The following TTLL9 variants were observed in gnomAD, a reference collection of about 807,000 sequenced individuals.
The protein encoded by TTLL9 is probable tubulin polyglutamylase TTLL9.
In TTLL9, 47 loss-of-function variants were observed where a neutral mutation model predicts 65.6. The observed-to-expected ratio is 0.72, with a 90% CI of 0.57 to 0.91. The LOEUF is 0.91. Among genes scored for constraint, TTLL9 ranks in the 40% least tolerant of loss-of-function variants. The pLI, the probability that TTLL9 is intolerant of heterozygous loss-of-function variation, is 0.00. For synonymous variants in TTLL9, 179 were observed against 204.8 expected (o/e 0.87, Z 1.07); for missense variants, 537 against 568.8 (o/e 0.94, Z 0.57).
At chr20:31,905,105 C>G (rs1318332504) in intron 4 of TTLL9, among the ~76,000 whole-genome samples, 2 of 152,080 alleles carry the variant, frequency 1.3e-5, no homozygotes, top group African/African-American at 4.8e-5. Context: ...GAGTCTCACT[C>G]CGTTGCCCAG....
At chr20:31,933,048 G>T (rs564539520) in intron 10 of TTLL9, among the ~76,000 whole-genome samples, 1 of 152,300 alleles carries the variant, frequency 6.6e-6, no homozygotes, top group South Asian at 2.1e-4. Flanking sequence ...CTTAGTTGTG[G>T]GGTGAAGATG....
chr20:31,886,379 G>T (rs574445896), intron 2 of TTLL9, among the ~76,000 whole-genome samples: 1 of 152,310 alleles, frequency 6.6e-6, no homozygotes, highest in Admixed American at 6.5e-5. Flanking sequence ...AAGCTGTTTT[G>T]GACATGGTTG....
In TTLL9 at chr20:31,887,154, A is replaced by G. The variant is rs376673793; in HGVS notation, c.70-42A>G. ...AAGTTAACCTGGGAAAACAGGGCAG[A>G]TATACAAAACCAGTTACATCCTTTT... On this transcript the variant is annotated intron_variant, in intron 2 of 14. Coordinates refer to ENST00000535842, the MANE Select transcript of TTLL9 (RefSeq NM_001008409.5). 2.4e-5 allele frequency: 38 copies of G among 1,605,688 alleles called. No homozygotes were observed. The African/African-American group carries it at 2.7e-4, about 11-fold the overall frequency.
chr20:31,934,984 G>A (rs1171731907), intron 12 of TTLL9, 96 bp downstream of exon 12: 2 of 1,198,304 alleles, frequency 1.7e-6, no homozygotes, highest in Admixed American at 2.1e-5. Flanking sequence ...ATTCCTAGTT[G>A]TATAACCTTG....
intron 2 of TTLL9, among the ~76,000 whole-genome samples, chr20:31,874,845 A>G (rs1205940551): frequency 2.0e-5 from 3 of 152,132 alleles, no homozygotes; most frequent in Non-Finnish European, 4.4e-5. Flanking sequence ...CAGAAGTCGG[A>G]GTGGTGTAAT....
chr20:31,920,397 C>G (rs542780422), intron 7 of TTLL9, among the ~76,000 whole-genome samples: 1 of 152,078 alleles, frequency 6.6e-6, no homozygotes, highest in Non-Finnish European at 1.5e-5. Flanking sequence ...GGGCAGCTAC[C>G]TCCCAACCCC....
At chr20:31,903,755 C>G (rs939143292) in intron 4 of TTLL9, among the ~76,000 whole-genome samples, 2 of 152,178 alleles carry the variant, frequency 1.3e-5, no homozygotes, top group Non-Finnish European at 2.9e-5. Flanking sequence ...ACATAGCTTC[C>G]TCTTTTAGCA....
chr20:31,934,650 C>T (rs747528878), intron 11 of TTLL9, 42 bp from the exon 12 acceptor site: 2 of 1,560,378 alleles, frequency 1.3e-6, no homozygotes, highest in Non-Finnish European at 1.7e-6. Flanking sequence ...CAGGTCCTGA[C>T]TAACTGAGGC....
chr20:31,914,387 G>C (rs899299986), intron 6 of TTLL9, among the ~76,000 whole-genome samples: 2 of 152,094 alleles, frequency 1.3e-5, no homozygotes, highest in Non-Finnish European at 2.9e-5. Context: ...CATAATTGGC[G>C]TACAACAAGC....
At chr20:31,887,567 C>T (rs990255386) in intron 3 of TTLL9, among the ~76,000 whole-genome samples, 1 of 152,190 alleles carries the variant, frequency 6.6e-6, no homozygotes, top group Non-Finnish European at 1.5e-5. Context: ...GCTAGTTGGA[C>T]TCCAGGGCCC....
intron 8 of TTLL9, 118 bp downstream of exon 8, chr20:31,923,171 A>T: frequency 1.3e-6 from 1 of 754,406 alleles, no homozygotes. Context: ...GAAGGGATGC[A>T]TGGAAAGAGA....
chr20:31,911,129 C>T (rs1004344882), intron 6 of TTLL9, among the ~76,000 whole-genome samples: 4 of 151,820 alleles, frequency 2.6e-5, no homozygotes, highest in Non-Finnish European at 5.9e-5. Context: ...AAGCCGAGAT[C>T]GCCCCACTGC....
chr20:31,878,386 A>G (rs1462590982), intron 2 of TTLL9, among the ~76,000 whole-genome samples: 4 of 152,272 alleles, frequency 2.6e-5, no homozygotes, highest in Non-Finnish European at 5.9e-5. Flanking sequence ...TAGTCCTAGC[A>G]GCTAAAGCTG....
chr20:31,935,074 T>C (rs2064087907), intron 12 of TTLL9, among the ~76,000 whole-genome samples, 186 bp downstream of exon 12: 1 of 152,160 alleles, frequency 6.6e-6, no homozygotes, highest in African/African-American at 2.4e-5. Context: ...CATAGGTCAT[T>C]AGAGGATCGT....
intron 4 of TTLL9, among the ~76,000 whole-genome samples, chr20:31,907,081 A>G (rs964382937): frequency 6.6e-6 from 1 of 152,230 alleles, no homozygotes; most frequent in African/African-American, 2.4e-5. Flanking sequence ...TTGGTGGGAA[A>G]AAAGCATGTT....
At chr20:31,902,877 A>ATTTT (rs1187934603) in intron 4 of TTLL9, among the ~76,000 whole-genome samples, 1 of 151,984 alleles carries the variant, frequency 6.6e-6, no homozygotes, top group East Asian at 1.9e-4. Context: ...TTATTTATTT[A>ATTTT]TTTAGAGAAA....
intron 2 of TTLL9, among the ~76,000 whole-genome samples, chr20:31,884,657 T>C (rs1399606266): frequency 6.6e-6 from 1 of 152,234 alleles, no homozygotes; most frequent in East Asian, 1.9e-4. Flanking sequence ...CTGGAGGCTG[T>C]CTCATGGTCC....
chr20:31,931,186 C>T (rs2064003415), intron 10 of TTLL9, among the ~76,000 whole-genome samples: 2 of 150,112 alleles, frequency 1.3e-5, no homozygotes. Context: ...CTGAAGCGAT[C>T]CTCCTACCTC....
intron 13 of TTLL9, 24 bp from the exon 14 acceptor site, chr20:31,939,118 C>T (rs1198332082): frequency 6.4e-7 from 1 of 1,553,100 alleles, no homozygotes; most frequent in Non-Finnish European, 8.7e-7. Context: ...CTTCATTAAC[C>T]CTGTGGGCCT....
Sources: gnomAD v4.1 joint callset for allele counts (sites outside exome capture counted in the v4.1 genomes callset) on GRCh38, gnomAD v4.1.1 for gene constraint, MANE v1.5 for transcripts, NCBI Gene and HGNC (gene_info 2026-07-23, HGNC 2026-07-21) for gene names.